AKAP19: variants seen among roughly 807,000 people sequenced by gnomAD.
AKAP19 encodes the protein A-kinase anchoring protein 19.
chr2:190,103,293 C>T, the AKAP19 span, among the ~76,000 whole-genome samples: 2 of 152,148 alleles, frequency 1.3e-5, no homozygotes, highest in Non-Finnish European at 2.9e-5. Flanking sequence ...GACAAGGATG[C>T]CTACTCTCAC....
chr2:189,905,547 G>A, the AKAP19 span, among the ~76,000 whole-genome samples: 1 of 151,896 alleles, frequency 6.6e-6, no homozygotes, highest in Admixed American at 6.6e-5. Context: ...TTGTCTTCAA[G>A]GTCTGCAGTC....
At chr2:190,143,048 G>A in the AKAP19 span, among the ~76,000 whole-genome samples, 1 of 151,960 alleles carries the variant, frequency 6.6e-6, no homozygotes, top group African/African-American at 2.4e-5. Flanking sequence ...TGGCACTGGG[G>A]GGCGGGGGTG....
the AKAP19 span, among the ~76,000 whole-genome samples, chr2:190,101,190 C>T: frequency 2.5e-3 from 382 of 152,310 alleles, 3 homozygotes; most frequent in Non-Finnish European, 9.1e-4. Context: ...GACTGAAGTG[C>T]TTGCTCTGGA....
At chr2:190,173,118 AAAAAT>A in the AKAP19 span, among the ~76,000 whole-genome samples, 15 of 149,946 alleles carry the variant, frequency 1.0e-4, no homozygotes, top group African/African-American at 3.4e-4. Context: ...CCATCTCAAA[AAAAAT>A]AAAATAAAAT....
the AKAP19 span, among the ~76,000 whole-genome samples, chr2:190,114,678 G>A: frequency 1.1e-3 from 164 of 152,194 alleles, no homozygotes; most frequent in African/African-American, 3.7e-3. Context: ...GGATGGTCTC[G>A]ATCTCCTGAC....
chr2:189,999,676 C>CT, the AKAP19 span, among the ~76,000 whole-genome samples: 75 of 151,070 alleles, frequency 5.0e-4, no homozygotes, highest in East Asian at 1.4e-3. Flanking sequence ...TAGTTAATTT[C>CT]TTTTTTTTTG....
the AKAP19 span, among the ~76,000 whole-genome samples, chr2:190,099,997 G>A: frequency 6.6e-6 from 1 of 152,166 alleles, no homozygotes; most frequent in Non-Finnish European, 1.5e-5. Context: ...ACTGCTCATA[G>A]AATTGTTGCA....
the AKAP19 span, among the ~76,000 whole-genome samples, chr2:190,048,511 TC>T: frequency 1.3e-5 from 2 of 152,180 alleles, no homozygotes; most frequent in South Asian, 4.1e-4. Context: ...ATCAGCCCAC[TC>T]CTTCCCTTTT....
the AKAP19 span, among the ~76,000 whole-genome samples, chr2:190,184,093 C>T: frequency 6.6e-6 from 1 of 151,958 alleles, no homozygotes; most frequent in Non-Finnish European, 1.5e-5. Flanking sequence ...TAGTAAATAA[C>T]TCTAATCAGT....
At chr2:190,160,654 A>G in the AKAP19 span, among the ~76,000 whole-genome samples, 72,545 of 151,934 alleles carry the variant, frequency 0.48, 19,054 homozygotes, top group East Asian at 0.83. Flanking sequence ...GGAAAGTGAT[A>G]TTAAGGCAAA....
the AKAP19 span, among the ~76,000 whole-genome samples, chr2:190,105,509 C>G: frequency 1.2e-3 from 179 of 152,294 alleles, 2 homozygotes; most frequent in Non-Finnish European, 1.7e-3. Flanking sequence ...TTATTTCTTA[C>G]CTAGCCAGTT....
At chr2:190,165,118 C>T in the AKAP19 span, among the ~76,000 whole-genome samples, 18 of 152,154 alleles carry the variant, frequency 1.2e-4, no homozygotes, top group South Asian at 2.1e-4. Flanking sequence ...ATATTATTAG[C>T]ATTAGAATTA....
chr2:190,008,770 ACC>A, the AKAP19 span, among the ~76,000 whole-genome samples: 5,159 of 36,846 alleles, frequency 0.14, 177 homozygotes, highest in East Asian at 0.22. Context: ...ACACACACAC[ACC>A]CACCTGGTCT....
the AKAP19 span, among the ~76,000 whole-genome samples, chr2:190,131,164 C>A: frequency 6.6e-6 from 1 of 152,010 alleles, no homozygotes; most frequent in African/African-American, 2.4e-5. Flanking sequence ...CCTAAATATC[C>A]CTTGTAGTTT....
At chr2:190,062,252 C>A in the AKAP19 span, 1 of 1,612,814 alleles carries the variant, frequency 6.2e-7, no homozygotes, top group Non-Finnish European at 8.5e-7. Flanking sequence ...TGATTGTTTC[C>A]GTTGTAGCGT....
the AKAP19 span, among the ~76,000 whole-genome samples, chr2:190,199,447 G>A: frequency 6.8e-6 from 1 of 146,424 alleles, no homozygotes; most frequent in Non-Finnish European, 1.5e-5. Flanking sequence ...ATAAATCTAA[G>A]CTAGCAAAAA....
the AKAP19 span, among the ~76,000 whole-genome samples, chr2:190,110,391 C>G: frequency 6.6e-6 from 1 of 152,152 alleles, no homozygotes; most frequent in African/African-American, 2.4e-5. Flanking sequence ...ACATTGTTTT[C>G]CAGGGCCATA....
the AKAP19 span, among the ~76,000 whole-genome samples, chr2:190,028,350 T>C: frequency 2.6e-5 from 4 of 152,094 alleles, no homozygotes; most frequent in African/African-American, 9.7e-5. Context: ...AAGAACTTGG[T>C]TAGTAGAATT....
At chr2:190,151,306 C>G in the AKAP19 span, among the ~76,000 whole-genome samples, 4 of 152,212 alleles carry the variant, frequency 2.6e-5, no homozygotes, top group Admixed American at 1.3e-4. Flanking sequence ...ACCTACCAAC[C>G]CATCATTTAG....
Sources: gnomAD v4.1 joint callset for allele counts (sites outside exome capture counted in the v4.1 genomes callset) on GRCh38, gnomAD v4.1.1 for gene constraint, MANE v1.5 for transcripts, NCBI Gene and HGNC (gene_info 2026-07-23, HGNC 2026-07-21) for gene names.